The following ASTN1 variants were observed in gnomAD, a reference collection of about 807,000 sequenced individuals.
ASTN1 encodes astrotactin 1.
A neutral mutation model predicts 140.7 loss-of-function variants in ASTN1; 41 were observed. The observed-to-expected ratio is 0.29, with a 90% CI of 0.23 to 0.38. ASTN1 has a LOEUF of 0.38. Among genes scored for constraint, ASTN1 ranks in the 10% least tolerant of loss-of-function variants. ASTN1 has a pLI of 1.00. For missense variants in ASTN1, 1,479 were observed against 1,678.8 expected (o/e 0.88, Z 2.08); for synonymous variants, 640 against 652.2 (o/e 0.98, Z 0.29).
At chr1:177,123,604 C>T (rs924571133) in intron 1 of ASTN1, among the ~76,000 whole-genome samples, 1 of 152,192 alleles carries the variant, frequency 6.6e-6, no homozygotes. Flanking sequence ...GGTGGAACCT[C>T]ACATTCCTAT....
chr1:176,859,672 T>C (rs527798014), downstream of ASTN1, among the ~76,000 whole-genome samples: 2 of 152,174 alleles, frequency 1.3e-5, no homozygotes, highest in African/African-American at 2.4e-5. Flanking sequence ...TAAACCCAGA[T>C]ACTTGGGAGG....
At chr1:176,897,199 C>T (rs1248580663) in intron 16 of ASTN1, among the ~76,000 whole-genome samples, 1 of 139,310 alleles carries the variant, frequency 7.2e-6, no homozygotes, top group East Asian at 2.3e-4. Context: ...CGCTTGAACT[C>T]GGCAGGTGGA....
intron 17 of ASTN1, 147 bp downstream of exon 17, chr1:176,894,415 T>G: frequency 9.4e-7 from 1 of 1,066,768 alleles, no homozygotes; most frequent in South Asian, 1.7e-5. Context: ...TTTAAACAAA[T>G]TAGGTGCCCA....
In ASTN1 at chr1:176,864,291, T is replaced by C. The variant is rs61756323; in HGVS notation, c.3878A>G (p.Glu1293Gly). The change falls in exon 23 of 23, where the codon GAG (glutamate) becomes GGG (glycine). Residue 1293 changes from glutamate (E) to glycine (G), a missense_variant. Glu to Gly is a moderately conservative substitution (Grantham distance 98). Transcript: ENST00000361833. ...IPYNDYGDSK[E>G]I is the part of the protein sequence containing the mutation. Reference sequence around the variant, plus strand: ...CTCCCTGGCCTTATGGTGCTAGATCTCTTTGCTGTCCCCATAGTCGTTGTA... The same window carrying C: ...CTCCCTGGCCTTATGGTGCTAGATCCCTTTGCTGTCCCCATAGTCGTTGTA... The C allele has an allele frequency of 3.3e-3, 5,371 of 1,613,990 alleles. 22 individuals carry two copies. Among genetic ancestry groups the C allele is most frequent in the Non-Finnish European group, 4.0e-3 (4,772 of 1,179,974 alleles).
chr1:177,071,784 G>T (rs1337994712), intron 1 of ASTN1, among the ~76,000 whole-genome samples: 2 of 152,092 alleles, frequency 1.3e-5, no homozygotes, highest in East Asian at 1.9e-4. Context: ...CATAATGGGG[G>T]CTGGACCTCA....
rs1273666412 is a variant in ASTN1 at position 176,868,933 on chromosome 1, G to A, written c.3558C>T (p.Pro1186=). The A allele has an allele frequency of 6.2e-7, 1 of 1,612,652 alleles. No individual in the cohort carries two copies. Among genetic ancestry groups the A allele is most frequent in the African/African-American group, 1.3e-5 (1 of 75,024 alleles). Residue 1186 remains proline, a synonymous_variant, in exon 22 of 23, where the codon CCC becomes CCT. Coordinates refer to ENST00000361833, the MANE Select transcript of ASTN1 (RefSeq NM_004319.3). ...AGTGGTAGAGGACCCGGTGTAAGGT[G>A]GGGGAACCCAGATCCAGGAGGGTGT... ...AYNTLLDLGS[P]TLHRVLYHYN...
chr1:177,007,950 T>C (rs370636813), intron 8 of ASTN1, among the ~76,000 whole-genome samples: 1 of 152,358 alleles, frequency 6.6e-6, no homozygotes, highest in East Asian at 1.9e-4. Flanking sequence ...CTTAGCCTGA[T>C]GTCCTCTACA....
intron 7 of ASTN1, among the ~76,000 whole-genome samples, chr1:177,019,409 A>G (rs1281708797): frequency 1.3e-5 from 2 of 152,182 alleles, no homozygotes; most frequent in African/African-American, 4.8e-5. Context: ...GCTTTCTGAA[A>G]TTGTCAATGC....
chr1:176,868,671 C>A, intron 22 of ASTN1, 173 bp downstream of exon 22: 1 of 625,110 alleles, frequency 1.6e-6, no homozygotes, highest in East Asian at 3.4e-5. Flanking sequence ...TTAAATAGAG[C>A]TTATCCAAAA....
intron 9 of ASTN1, among the ~76,000 whole-genome samples, chr1:176,961,844 T>C (rs1295600686): frequency 6.6e-6 from 1 of 152,172 alleles, no homozygotes; most frequent in Non-Finnish European, 1.5e-5. Context: ...TAGAATGCTT[T>C]CCCAACTCGG....
At chr1:177,093,715 GAC>G (rs925948246) in intron 1 of ASTN1, among the ~76,000 whole-genome samples, 8 of 152,154 alleles carry the variant, frequency 5.3e-5, no homozygotes, top group Admixed American at 3.3e-4. Flanking sequence ...GTTGAAAAAT[GAC>G]ACAGTGTGCA....
intron 1 of ASTN1, among the ~76,000 whole-genome samples, chr1:177,061,860 T>A (rs994574469): frequency 2.0e-5 from 3 of 152,204 alleles, no homozygotes; most frequent in Admixed American, 6.5e-5. Flanking sequence ...ATGTTATAAT[T>A]CCTTTTAATT....
chr1:176,885,498 A>T (rs1407229655), intron 18 of ASTN1, among the ~76,000 whole-genome samples: 1 of 152,134 alleles, frequency 6.6e-6, no homozygotes, highest in Admixed American at 6.5e-5. Flanking sequence ...AATGTTCCCC[A>T]TTCCTGCTCA....
intron 1 of ASTN1, among the ~76,000 whole-genome samples, chr1:177,160,702 T>C (rs1308506865): frequency 1.3e-5 from 2 of 152,232 alleles, no homozygotes; most frequent in African/African-American, 4.8e-5. Context: ...ATATGAAATT[T>C]TAGTTCAGAT....
intron 16 of ASTN1, among the ~76,000 whole-genome samples, chr1:176,898,256 T>C (rs1197724098): frequency 1.3e-5 from 2 of 152,176 alleles, no homozygotes; most frequent in Non-Finnish European, 2.9e-5. Flanking sequence ...TCATATTTTC[T>C]GTCTCCGGAA....
At chr1:177,065,776 T>C (rs550020942) in intron 1 of ASTN1, among the ~76,000 whole-genome samples, 2 of 152,266 alleles carry the variant, frequency 1.3e-5, no homozygotes, top group Non-Finnish European at 2.9e-5. Context: ...TCAGAACTAA[T>C]GGAAAGTCAC....
At chr1:177,086,071 G>A (rs1438568075) in intron 1 of ASTN1, among the ~76,000 whole-genome samples, 1 of 152,076 alleles carries the variant, frequency 6.6e-6, no homozygotes, top group African/African-American at 2.4e-5. Flanking sequence ...CCCTCAGAAA[G>A]GAAAAAGTGC....
chr1:177,133,912 A>C (rs1682052487), intron 1 of ASTN1, among the ~76,000 whole-genome samples: 1 of 152,236 alleles, frequency 6.6e-6, no homozygotes. Context: ...TATTTATTCC[A>C]GTAACTTATC....
At chr1:177,105,555 T>C (rs561512805) in intron 1 of ASTN1, among the ~76,000 whole-genome samples, 8 of 152,150 alleles carry the variant, frequency 5.3e-5, no homozygotes, top group African/African-American at 1.9e-4. Context: ...TCAACACTAT[T>C]AAGACCCCTC....
Sources: allele counts gnomAD v4.1 joint callset (sites outside exome capture counted in the v4.1 genomes callset), GRCh38; gene constraint gnomAD v4.1.1; transcripts MANE v1.5; gene names NCBI Gene and HGNC (gene_info 2026-07-23, HGNC 2026-07-21).